Variants in PSPC1 observed in about 807,000 individuals in gnomAD.
The protein encoded by PSPC1 is paraspeckle component 1.
A neutral mutation model predicts 51.6 loss-of-function variants in PSPC1; 14 were observed. The observed-to-expected ratio is 0.27, with a 90% CI of 0.18 to 0.42. The LOEUF is 0.42. Ranked by LOEUF, PSPC1 falls within the 10% of genes least tolerant of loss-of-function variation. PSPC1 has a pLI of 1.00. For missense variants in PSPC1, 406 were observed against 701.1 expected (o/e 0.58, Z 4.75); for synonymous variants, 193 against 231.9 (o/e 0.83, Z 1.53).
At chr13:19,770,697 A>G (rs1471989672) in intron 2 of PSPC1, among the ~76,000 whole-genome samples, 1 of 151,970 alleles carries the variant, frequency 6.6e-6, no homozygotes, top group Non-Finnish European at 1.5e-5. Context: ...CTGAGGCAGG[A>G]GAATCACTTG....
chr13:19,764,819 G>A (rs1305767356), intron 2 of PSPC1, among the ~76,000 whole-genome samples: 1 of 151,600 alleles, frequency 6.6e-6, no homozygotes, highest in South Asian at 2.1e-4. Context: ...TTGCAGCCTC[G>A]ACCTACAAGG....
At chr13:19,766,218 C>T (rs1489503832) in intron 2 of PSPC1, among the ~76,000 whole-genome samples, 1 of 152,016 alleles carries the variant, frequency 6.6e-6, no homozygotes, top group Non-Finnish European at 1.5e-5. Flanking sequence ...ACTAAAAATA[C>T]AAAAATTAGC....
At chr13:19,706,739 CTAATT>C (rs1565978119) in intron 7 of PSPC1, among the ~76,000 whole-genome samples, 2 of 152,090 alleles carry the variant, frequency 1.3e-5, no homozygotes, top group African/African-American at 2.4e-5. Context: ...CAAAGCCATT[CTAATT>C]TAGAGTTTTC....
intron 6 of PSPC1, chr13:19,677,845 A>G (rs1440199452): frequency 2.1e-6 from 1 of 478,674 alleles, no homozygotes; most frequent in Non-Finnish European, 4.2e-6. Flanking sequence ...ATGAAATCAG[A>G]TTCAGCCTTT....
chr13:19,687,650 TTC>T (rs1878069147), intron 6 of PSPC1, among the ~76,000 whole-genome samples: 1 of 29,180 alleles, frequency 3.4e-5, no homozygotes, highest in Non-Finnish European at 9.0e-5. Flanking sequence ...CACCCTTGCC[TTC>T]TTTCTTCCAC....
At chr13:19,712,861 A>G (rs1220220042) in intron 6 of PSPC1, among the ~76,000 whole-genome samples, 2 of 152,132 alleles carry the variant, frequency 1.3e-5, no homozygotes, top group African/African-American at 2.4e-5. Context: ...TGATGGCATC[A>G]TTTTGTAACT....
At chr13:19,695,555 G>C (rs1164933583) in intron 6 of PSPC1, among the ~76,000 whole-genome samples, 1 of 151,932 alleles carries the variant, frequency 6.6e-6, no homozygotes, top group African/African-American at 2.4e-5. Flanking sequence ...CTACATATTA[G>C]CAACAGATCA....
chr13:19,699,957 C>A (rs1159484061), downstream of PSPC1, among the ~76,000 whole-genome samples: 1 of 152,020 alleles, frequency 6.6e-6, no homozygotes, highest in African/African-American at 2.4e-5. Flanking sequence ...TCCCCAGGAA[C>A]TTCCTTCATT....
intron 2 of PSPC1, among the ~76,000 whole-genome samples, chr13:19,770,554 A>G (rs1888528791): frequency 6.6e-6 from 1 of 151,758 alleles, no homozygotes; most frequent in South Asian, 2.1e-4. Context: ...TTGGGAGGCC[A>G]AGGTGGGTGG....
chr13:19,674,588 C>A (rs1342377450), downstream of PSPC1: 1 of 152,158 alleles, frequency 6.6e-6, no homozygotes, highest in East Asian at 1.9e-4. Flanking sequence ...TTATAAGGCA[C>A]TCAGCATGTG....
chr13:19,710,004 C>T (rs1477425041), intron 6 of PSPC1, among the ~76,000 whole-genome samples: 2 of 152,156 alleles, frequency 1.3e-5, no homozygotes, highest in Non-Finnish European at 2.9e-5. Context: ...ATGACTGTTA[C>T]CAAGTTCATG....
intron 6 of PSPC1, among the ~76,000 whole-genome samples, chr13:19,720,447 C>T (rs998931138): frequency 6.6e-6 from 1 of 152,192 alleles, no homozygotes; most frequent in African/African-American, 2.4e-5. Context: ...ACATTTTATA[C>T]AGGAGAGTAT....
intron 6 of PSPC1, among the ~76,000 whole-genome samples, chr13:19,716,347 G>T (rs1234605767): frequency 6.6e-6 from 1 of 152,166 alleles, no homozygotes; most frequent in African/African-American, 2.4e-5. Flanking sequence ...ACCTAAACTT[G>T]GGGATACACT....
chr13:19,694,830 C>A (rs761977930), intron 6 of PSPC1, among the ~76,000 whole-genome samples: 1 of 152,206 alleles, frequency 6.6e-6, no homozygotes, highest in Non-Finnish European at 1.5e-5. Flanking sequence ...AAATAAAAAT[C>A]ATTTTCTTTC....
intron 3 of PSPC1, among the ~76,000 whole-genome samples, chr13:19,758,631 G>C (rs1887319232): frequency 6.6e-6 from 1 of 151,932 alleles, no homozygotes; most frequent in African/African-American, 2.4e-5. Context: ...TCAGGAGTTT[G>C]AGACCAGCCT....
intron 6 of PSPC1, among the ~76,000 whole-genome samples, chr13:19,686,315 ACT>A (rs1454303439): frequency 3.9e-5 from 6 of 152,068 alleles, no homozygotes; most frequent in Non-Finnish European, 7.3e-5. Flanking sequence ...CAAAAATCGT[ACT>A]CTTTCTATGT....
chr13:19,756,110 G>A (rs978728852), intron 3 of PSPC1, among the ~76,000 whole-genome samples: 3 of 152,094 alleles, frequency 2.0e-5, no homozygotes, highest in South Asian at 2.1e-4. Flanking sequence ...GGTGGTGCAC[G>A]CCTGTAATCC....
chr13:19,712,904 C>T (rs1389267488), intron 6 of PSPC1, among the ~76,000 whole-genome samples: 1 of 152,110 alleles, frequency 6.6e-6, no homozygotes, highest in Non-Finnish European at 1.5e-5. Context: ...TTTTCAGCTT[C>T]CTAGTCATGT....
intron 2 of PSPC1, among the ~76,000 whole-genome samples, chr13:19,768,581 G>C (rs1416975862): frequency 1.3e-5 from 2 of 149,346 alleles, no homozygotes. Context: ...CCGGGAGGCA[G>C]AGCTTGCAGT....
Sources: gnomAD v4.1 joint callset for allele counts (sites outside exome capture counted in the v4.1 genomes callset) on GRCh38, gnomAD v4.1.1 for gene constraint, MANE v1.5 for transcripts, NCBI Gene and HGNC (gene_info 2026-07-23, HGNC 2026-07-21) for gene names.